The following TRDN variants were observed in gnomAD, a reference collection of about 807,000 sequenced individuals.
The protein encoded by TRDN is triadin in skeletal muscle.
TRDN carries 161 observed loss-of-function variants against 149.7 expected under a neutral mutation model. The ratio of observed to expected loss-of-function variants is 1.08; its 90% CI spans 0.95 to 1.23. The LOEUF (loss-of-function observed/expected upper bound fraction) is 1.23. Ranked by LOEUF, TRDN falls within the 50% of genes most tolerant of loss-of-function variation. TRDN has a pLI of 0.00. For synonymous variants in TRDN, 294 were observed against 250.5 expected (o/e 1.17, Z -1.64); for missense variants, 896 against 823.5 (o/e 1.09, Z -1.08).
chr6:123,505,276 T>G (rs967902894), intron 7 of TRDN, among the ~76,000 whole-genome samples: 3 of 142,434 alleles, frequency 2.1e-5, no homozygotes, highest in African/African-American at 7.8e-5. Flanking sequence ...AAAAAGAATT[T>G]AATGAAAAAA....
intron 21 of TRDN, 83 bp downstream of exon 21, chr6:123,352,456 C>T (rs1021550326): frequency 1.1e-5 from 18 of 1,569,552 alleles, no homozygotes; most frequent in African/African-American, 5.5e-5. Flanking sequence ...TATTGTCTTC[C>T]GCCTGTCTGA....
intron 18 of TRDN, among the ~76,000 whole-genome samples, chr6:123,377,100 GTTTA>G: frequency 6.6e-6 from 1 of 152,048 alleles, no homozygotes; most frequent in East Asian, 1.9e-4. Context: ...TTGTTGATAG[GTTTA>G]TTTGTCTTGT....
chr6:123,482,077 T>G (rs1211269926), intron 9 of TRDN, among the ~76,000 whole-genome samples: 1 of 152,240 alleles, frequency 6.6e-6, no homozygotes, highest in Non-Finnish European at 1.5e-5. Flanking sequence ...AAAATGTCTT[T>G]CGTTTTTTTC....
chr6:123,259,559 T>C (rs1776686553), intron 35 of TRDN, 65 bp downstream of exon 35: 1 of 1,045,896 alleles, frequency 9.6e-7, no homozygotes, highest in East Asian at 2.7e-5. Context: ...TTTGTATAAA[T>C]TTGTTTTTTG....
intron 24 of TRDN, among the ~76,000 whole-genome samples, chr6:123,296,062 A>G (rs147183233): frequency 8.3e-4 from 127 of 152,254 alleles, no homozygotes; most frequent in African/African-American, 3.0e-3. Flanking sequence ...GGGGAAATGC[A>G]GTTCAGATAA....
chr6:123,400,831 C>G (rs572085511), intron 12 of TRDN, among the ~76,000 whole-genome samples: 1 of 152,126 alleles, frequency 6.6e-6, no homozygotes, highest in African/African-American at 2.4e-5. Context: ...AAATAAGAAA[C>G]ACACACACCA....
At chr6:123,395,242 G>A (rs1159567214) in intron 12 of TRDN, among the ~76,000 whole-genome samples, 1 of 151,996 alleles carries the variant, frequency 6.6e-6, no homozygotes, top group Non-Finnish European at 1.5e-5. Flanking sequence ...TTAAATCACT[G>A]ATCCTAAACA....
At chr6:123,383,379 A>G (rs1781790361) in intron 14 of TRDN, among the ~76,000 whole-genome samples, 1 of 152,260 alleles carries the variant, frequency 6.6e-6, no homozygotes, top group Middle Eastern at 3.4e-3. Context: ...CCAGAAAATC[A>G]TAAAAATTAA....
At chr6:123,603,577 A>G (rs1365967728) in intron 1 of TRDN, among the ~76,000 whole-genome samples, 1 of 152,092 alleles carries the variant, frequency 6.6e-6, no homozygotes, top group African/African-American at 2.4e-5. Flanking sequence ...CATTTATCAG[A>G]TGTTTACTAA....
chr6:123,381,449 C>G, intron 15 of TRDN, 59 bp from the exon 16 acceptor site: 1 of 1,463,534 alleles, frequency 6.8e-7, no homozygotes, highest in East Asian at 2.5e-5. Context: ...AACGTACTAC[C>G]CTACATATTG....
At chr6:123,461,723 G>A (rs1776460075) in intron 10 of TRDN, among the ~76,000 whole-genome samples, 1 of 152,182 alleles carries the variant, frequency 6.6e-6, no homozygotes, top group African/African-American at 2.4e-5. Context: ...TGAGGATTCT[G>A]AGAAATACAG....
chr6:123,311,400 G>T (rs1423733693), intron 24 of TRDN, among the ~76,000 whole-genome samples: 1 of 151,964 alleles, frequency 6.6e-6, no homozygotes, highest in Non-Finnish European at 1.5e-5. Flanking sequence ...TGGGGATACA[G>T]AGCCAAGCCA....
At chr6:123,265,955 C>A (rs1776937933) in intron 32 of TRDN, among the ~76,000 whole-genome samples, 1 of 145,674 alleles carries the variant, frequency 6.9e-6, no homozygotes, top group Admixed American at 7.1e-5. Context: ...AGTTCTATTT[C>A]TTCATAAAAA....
chr6:123,432,571 T>A (rs547127908), intron 12 of TRDN, among the ~76,000 whole-genome samples: 1 of 152,108 alleles, frequency 6.6e-6, no homozygotes, highest in Non-Finnish European at 1.5e-5. Context: ...GGGCACTAGA[T>A]TGAACTATTA....
chr6:123,483,030 T>C (rs917150936), intron 9 of TRDN, among the ~76,000 whole-genome samples: 1 of 150,858 alleles, frequency 6.6e-6, no homozygotes, highest in Non-Finnish European at 1.5e-5. Context: ...TATGGTGCAA[T>C]GTTTTGTTCA....
At chr6:123,278,155 T>C (rs1777443726) in intron 26 of TRDN, among the ~76,000 whole-genome samples, 163 bp downstream of exon 26, 1 of 152,094 alleles carries the variant, frequency 6.6e-6, no homozygotes, top group Non-Finnish European at 1.5e-5. Flanking sequence ...TTTCTAGAAA[T>C]GGGTAGCATA....
chr6:123,473,382 G>A (rs1235092906), intron 9 of TRDN, among the ~76,000 whole-genome samples: 1 of 151,502 alleles, frequency 6.6e-6, no homozygotes, highest in East Asian at 1.9e-4. Flanking sequence ...AGCGAGAAGG[G>A]AAGTTTAGAG....
chr6:123,260,952 G>A (rs1261519800), intron 33 of TRDN, among the ~76,000 whole-genome samples: 1 of 151,578 alleles, frequency 6.6e-6, no homozygotes, highest in Admixed American at 6.6e-5. Context: ...GCTGATTACA[G>A]TTATCATTAA....
chr6:123,271,725 C>A (rs1369286798), intron 29 of TRDN, among the ~76,000 whole-genome samples: 1 of 151,828 alleles, frequency 6.6e-6, no homozygotes, highest in Non-Finnish European at 1.5e-5. Flanking sequence ...GAGATTATTG[C>A]CCTGATACTA....
Sources: allele counts gnomAD v4.1 joint callset (sites outside exome capture counted in the v4.1 genomes callset), GRCh38; gene constraint gnomAD v4.1.1; transcripts MANE v1.5; gene names NCBI Gene and HGNC (gene_info 2026-07-23, HGNC 2026-07-21).